The following PDE8B variants were observed in gnomAD, a reference collection of about 807,000 sequenced individuals.
PDE8B encodes high affinity cAMP-specific and IBMX-insensitive 3',5'-cyclic phosphodiesterase 8B.
Under a neutral mutation model 101.3 loss-of-function variants are expected in PDE8B, and 26 were observed. The ratio of observed to expected loss-of-function variants is 0.26; its 90% CI spans 0.19 to 0.36. The LOEUF (loss-of-function observed/expected upper bound fraction) is 0.36, where lower values mean the gene tolerates loss of function less well. Ranked by LOEUF, PDE8B falls within the 10% of genes least tolerant of loss-of-function variation. The probability of loss-of-function intolerance (pLI) is 1.00; values close to 1 mark genes in which losing one functional copy is unlikely to be tolerated. For missense variants in PDE8B, 810 were observed against 1,163.1 expected (o/e 0.70, Z 4.42); for synonymous variants, 424 against 429.3 (o/e 0.99, Z 0.15).
In PDE8B at chr5:77,210,997, C is replaced by T. The variant is rs1479905940; in HGVS notation, c.72C>T (p.Ser24=). The change falls in exon 1 of 22, where the codon AGC becomes AGT. Residue 24 remains serine (S), a synonymous_variant. Transcript: ENST00000264917. The surrounding 1 kb of genome is among the most constrained non-coding windows in gnomAD (Gnocchi z 4.9). ...ACTGCCGGGACTCGGACGAGTCCAG[C>T]TCGCCCCGCCAGACCACCAGCGTGT... ...VIYCRDSDES[S]SPRQTTSVSQ... 13 of 1,546,068 alleles carry T rather than the reference C, an allele frequency of 8.4e-6. No individual in the cohort carries two copies. The highest frequency in any genetic ancestry group is 1.1e-5 in the Non-Finnish European group (13 of 1,156,348).
intron 1 of PDE8B, among the ~76,000 whole-genome samples, chr5:77,257,372 A>G (rs1237482224): frequency 6.6e-6 from 1 of 152,224 alleles, no homozygotes; most frequent in Non-Finnish European, 1.5e-5. Flanking sequence ...AAAAGTATAG[A>G]AAAGGATGCA....
chr5:77,400,217 CTT>C (rs764080455), intron 10 of PDE8B, 29 bp from the exon 11 acceptor site: 3 of 1,509,086 alleles, frequency 2.0e-6, no homozygotes, highest in East Asian at 4.5e-5. Context: ...AAATCTTTCT[CTT>C]GTTTTATCAA....
the PDE8B span, among the ~76,000 whole-genome samples, chr5:77,091,658 A>AAAAT: frequency 3.3e-5 from 5 of 152,008 alleles, no homozygotes; most frequent in South Asian, 1.0e-3. Flanking sequence ...ATAATAAAAT[A>AAAAT]AAATAAATAA....
At chr5:77,225,814 A>G (rs1302173337) in intron 1 of PDE8B, among the ~76,000 whole-genome samples, 2 of 151,632 alleles carry the variant, frequency 1.3e-5, no homozygotes, top group South Asian at 2.1e-4. Flanking sequence ...CATCATCATG[A>G]TAATTCCTCA....
At chr5:77,283,602 A>T (rs1765443574) in intron 1 of PDE8B, among the ~76,000 whole-genome samples, 1 of 152,122 alleles carries the variant, frequency 6.6e-6, no homozygotes, top group Non-Finnish European at 1.5e-5. Context: ...TTTCGGATTG[A>T]CTTGACTCCT....
the PDE8B span, among the ~76,000 whole-genome samples, chr5:77,171,292 G>C: frequency 4.8e-4 from 73 of 152,226 alleles, no homozygotes; most frequent in African/African-American, 1.7e-3. Context: ...CCTATTTAGG[G>C]GTATGACTTG....
chr5:77,104,401 GT>G, the PDE8B span: 1 of 152,160 alleles, frequency 6.6e-6, no homozygotes, highest in African/African-American at 2.4e-5. Flanking sequence ...GTATTAAGAG[GT>G]GGGACTTTTA....
At chr5:77,101,366 C>T in the PDE8B span, among the ~76,000 whole-genome samples, 2 of 152,084 alleles carry the variant, frequency 1.3e-5, no homozygotes, top group Admixed American at 6.6e-5. Context: ...TAGGGTATAT[C>T]GCTCTGTCCT....
chr5:77,233,130 A>G (rs1397574558), intron 1 of PDE8B, among the ~76,000 whole-genome samples: 2 of 151,634 alleles, frequency 1.3e-5, no homozygotes, highest in East Asian at 3.9e-4. Context: ...ATAAGTAAAG[A>G]GGAAGGCGCT....
upstream of PDE8B, chr5:77,210,630 TGGG>T: frequency 5.1e-6 from 5 of 974,570 alleles, no homozygotes; most frequent in Non-Finnish European, 6.1e-6. This position sits in a 1 kb window ranked among gnomAD's most constrained non-coding sequence, Gnocchi z 4.9. Flanking sequence ...GGAGCGTGTT[TGGG>T]GCGCCGCGGC....
In PDE8B at chr5:77,300,981, T is replaced by C. The variant is rs559394556; in HGVS notation, c.340-11013T>C. Among the ~76,000 whole-genome samples the C allele has an allele frequency of 5.3e-5, 8 of 152,308 alleles. No homozygotes were observed. The East Asian group carries it at 1.5e-3, about 29-fold the overall frequency. On this transcript the variant is annotated intron_variant, in intron 1 of 21. Transcript: ENST00000264917. ...TTAAATGGGATTCATTTCAGTGAGA[T>C]TGGTTTTTAAATGGGAATTAGTGCC...
the PDE8B span, among the ~76,000 whole-genome samples, chr5:77,195,860 G>A: frequency 2.0e-5 from 3 of 152,310 alleles, no homozygotes; most frequent in South Asian, 4.1e-4. Flanking sequence ...TGAGTAAACA[G>A]AGGACAAGGA....
At chr5:77,393,288 G>T (rs752340034) in intron 10 of PDE8B, among the ~76,000 whole-genome samples, 4 of 152,028 alleles carry the variant, frequency 2.6e-5, no homozygotes, top group Admixed American at 6.5e-5. Flanking sequence ...CAGCTACTCG[G>T]GTGGCTGAGG....
the PDE8B span, among the ~76,000 whole-genome samples, chr5:77,096,057 C>T: frequency 4.3e-4 from 66 of 152,086 alleles, no homozygotes; most frequent in Middle Eastern, 3.4e-3. Context: ...GTGGTGTGAT[C>T]TCTGCTCACT....
chr5:77,202,385 C>T, the PDE8B span, among the ~76,000 whole-genome samples: 30 of 152,238 alleles, frequency 2.0e-4, no homozygotes, highest in Admixed American at 6.5e-4. Flanking sequence ...AAGATCAACC[C>T]CTCCTCCTCT....
At chr5:77,147,838 T>C in the PDE8B span, 1 of 152,100 alleles carries the variant, frequency 6.6e-6, no homozygotes, top group Non-Finnish European at 1.5e-5. Context: ...CCCAGCCAAA[T>C]CTCTGAAGTC....
chr5:77,340,593 G>A (rs1259007799), intron 6 of PDE8B, among the ~76,000 whole-genome samples: 1 of 142,240 alleles, frequency 7.0e-6, no homozygotes, highest in Non-Finnish European at 1.5e-5. Flanking sequence ...GTTCCAGGCA[G>A]CCTCACAGTG....
chr5:77,323,975 A>G (rs546312109), intron 2 of PDE8B, among the ~76,000 whole-genome samples: 2 of 152,214 alleles, frequency 1.3e-5, no homozygotes, highest in East Asian at 1.9e-4. Context: ...CAAACAAACA[A>G]CAAAAAAAAG....
chr5:77,422,263 C>T (rs1796820832), intron 20 of PDE8B, among the ~76,000 whole-genome samples: 1 of 152,118 alleles, frequency 6.6e-6, no homozygotes, highest in South Asian at 2.1e-4. Context: ...CCAGAACTTG[C>T]ACAAAAACCG....
Sources: gnomAD v4.1 joint callset for allele counts (sites outside exome capture counted in the v4.1 genomes callset) on GRCh38, gnomAD v4.1.1 for gene constraint, Gnocchi (gnomAD v3.1) non-coding constraint, MANE v1.5 for transcripts, NCBI Gene and HGNC (gene_info 2026-07-23, HGNC 2026-07-21) for gene names.